PCYT1A: variants seen among roughly 807,000 people sequenced by gnomAD.
PCYT1A encodes phosphate cytidylyltransferase 1A, choline, also known as choline-phosphate cytidylyltransferase A.
In PCYT1A, 25 loss-of-function variants were observed where a neutral mutation model predicts 43.7. That is an observed-to-expected ratio of 0.57 (90% CI 0.42 to 0.80). The LOEUF (loss-of-function observed/expected upper bound fraction) is 0.80. PCYT1A is among the 30% of genes least tolerant of loss of function. The probability of loss-of-function intolerance (pLI) is 0.00; values close to 1 mark genes in which losing one functional copy is unlikely to be tolerated. For missense variants in PCYT1A, 421 were observed against 474.2 expected, an observed-to-expected ratio of 0.89 and a Z score of 1.04; for synonymous variants, 172 against 170.7, an observed-to-expected ratio of 1.01 and a Z score of -0.06.
intron 7 of PCYT1A, 192 bp downstream of exon 7, chr3:196,241,756 G>A (rs1724364416): frequency 8.2e-7 from 1 of 1,224,734 alleles, no homozygotes; most frequent in East Asian, 2.6e-5. Context: ...CGAATGTGTT[G>A]GTACCAGACC....
chr3:196,275,839 TG>T (rs1203794791), intron 1 of PCYT1A, among the ~76,000 whole-genome samples: 3 of 152,042 alleles, frequency 2.0e-5, no homozygotes, highest in Admixed American at 1.3e-4. Flanking sequence ...GGCTCACACC[TG>T]TAATCCCAGC....
At chr3:196,265,626 A>G (rs1033075472) in intron 2 of PCYT1A, among the ~76,000 whole-genome samples, 2 of 152,024 alleles carry the variant, frequency 1.3e-5, no homozygotes, top group Non-Finnish European at 2.9e-5. Context: ...TACTTTTTCT[A>G]AAGCTAATGA....
chr3:196,257,882 TA>T lies in PCYT1A; in HGVS notation c.122del (p.Leu41TyrfsTer22). On this transcript the variant is annotated frameshift_variant, in exon 3 of 9. Transcript: ENST00000431016. LOFTEE classifies it high-confidence loss of function. Reference sequence around the variant, plus strand: ...CATCAGAAAAAGGAGCTGGTTGCCGTAAGCCCTTAAGAAATGGAAAGTGAAG... The same window carrying T: ...CATCAGAAAAAGGAGCTGGTTGCCGTAGCCCTTAAGAAATGGAAAGTGAAG... ...PSKVQRCAVG[L>X]RQPAPFSDEI... is the part of the protein sequence containing the mutation. The T allele has an allele frequency of 1.2e-6, 2 of 1,607,174 alleles. No individual in the cohort carries two copies. The highest frequency in any genetic ancestry group is 1.7e-6 in the Non-Finnish European group (2 of 1,174,410).
chr3:196,257,542 A>G (rs1220272513), intron 3 of PCYT1A, among the ~76,000 whole-genome samples: 1 of 152,206 alleles, frequency 6.6e-6, no homozygotes, highest in African/African-American at 2.4e-5. Flanking sequence ...TTTCTGTTTT[A>G]CTGTATCTCA....
chr3:196,260,639 C>T (rs1489043772), intron 2 of PCYT1A, among the ~76,000 whole-genome samples: 2 of 152,082 alleles, frequency 1.3e-5, no homozygotes, highest in East Asian at 1.9e-4. Flanking sequence ...GTCGGGAGTT[C>T]GAGACCAGCC....
intron 3 of PCYT1A, among the ~76,000 whole-genome samples, chr3:196,256,760 G>A (rs1401694011): frequency 2.0e-5 from 3 of 151,984 alleles, no homozygotes; most frequent in Admixed American, 6.6e-5. Context: ...GGCTGGTCTC[G>A]AACTCCTGAC....
Position 196,242,294 on chromosome 3 carries a change from C to G in PCYT1A, c.566-204G>C, listed in dbSNP as rs1180401553. 1 of 646,860 alleles carries G rather than the reference C, an allele frequency of 1.5e-6. No homozygotes were observed. The highest frequency in any genetic ancestry group is 2.7e-5 in the East Asian group (1 of 36,820). The allele number at this position is 646,860 out of a possible 1,614,324, so 40.1% of individuals were successfully genotyped here. ...TAAGGCAAAGAAGAGTTACATAGCC[C>G]TAATATTAAGAAAAATATGAGAAAG... On this transcript the variant is annotated intron_variant, in intron 6 of 8. Coordinates refer to ENST00000431016, the MANE Select transcript of PCYT1A (RefSeq NM_001312673.2). The surrounding 1 kb of genome is among the most constrained non-coding windows in gnomAD (Gnocchi z 4.2).
chr3:196,275,839 T>C lies in PCYT1A; in HGVS notation c.-10-5298A>G, dbSNP rs920532376. Among the ~76,000 whole-genome samples, 14 of 152,146 alleles carry C rather than the reference T, an allele frequency of 9.2e-5. No individual in the cohort carries two copies. The East Asian group carries it at 2.1e-3, about 23-fold the overall frequency. On this transcript the variant is annotated intron_variant, in intron 1 of 8. Coordinates refer to ENST00000431016, the MANE Select transcript of PCYT1A (RefSeq NM_001312673.2). ...GCAGCCAGGCACGGTGGCTCACACCTGTAATCCCAGCACTTTGGGACGCCA... is the reference window on the plus strand; with the variant it reads ...GCAGCCAGGCACGGTGGCTCACACCCGTAATCCCAGCACTTTGGGACGCCA...
At chr3:196,286,462 T>C (rs1560181733) in intron 1 of PCYT1A, among the ~76,000 whole-genome samples, 1 of 152,238 alleles carries the variant, frequency 6.6e-6, no homozygotes, top group Non-Finnish European at 1.5e-5. Context: ...TTTCAAACTT[T>C]TAAAGTACAT....
At chr3:196,275,020 T>A (rs1165015542) in intron 1 of PCYT1A, among the ~76,000 whole-genome samples, 1 of 152,266 alleles carries the variant, frequency 6.6e-6, no homozygotes, top group Non-Finnish European at 1.5e-5. Flanking sequence ...CTCAGTGGTC[T>A]GAGTGAACTA....
chr3:196,279,875 C>CACTGGAGTTTCACT (rs1725706476), intron 1 of PCYT1A, among the ~76,000 whole-genome samples: 1 of 145,570 alleles, frequency 6.9e-6, no homozygotes. Flanking sequence ...ACTCCTGTTG[C>CACTGGAGTTTCACT]CCAGGCTGGA....
Position 196,250,204 on chromosome 3 carries a change from A to T in PCYT1A, c.218-1881T>A, listed in dbSNP as rs370439735. Among the ~76,000 whole-genome samples the T allele has an allele frequency of 4.3e-3, 307 of 70,862 alleles. 3 individuals carry two copies. The highest frequency in any genetic ancestry group is 0.011 in the African/African-American group (222 of 19,636). 46.5% of individuals were successfully genotyped at this position (70,862 alleles called of 152,430 possible). The stretch of plus-strand genomic sequence containing the variant: ...AGGACCAGGTACACCATGCCGAGGC[A>T]GAGGACCAGGTACACCATGCCGAGG... On this transcript the variant is annotated intron_variant, in intron 3 of 8. Coordinates refer to ENST00000431016, the MANE Select transcript of PCYT1A (RefSeq NM_001312673.2).
At chr3:196,265,346 G>A (rs755346377) in intron 2 of PCYT1A, among the ~76,000 whole-genome samples, 29 of 152,100 alleles carry the variant, frequency 1.9e-4, no homozygotes, top group East Asian at 3.9e-4. Flanking sequence ...GATTACAGGC[G>A]TGAGCCACTT....
intron 3 of PCYT1A, among the ~76,000 whole-genome samples, chr3:196,250,067 G>C (rs1724702225): frequency 6.6e-6 from 1 of 151,160 alleles, no homozygotes; most frequent in African/African-American, 2.4e-5. Flanking sequence ...CCATGCCGAG[G>C]CTGAGGACCA....
At chr3:196,249,315 T>C (rs1214657297) in intron 3 of PCYT1A, among the ~76,000 whole-genome samples, 1 of 146,648 alleles carries the variant, frequency 6.8e-6, no homozygotes, top group Non-Finnish European at 1.5e-5. Flanking sequence ...CCCAGCTAAT[T>C]TTTTTTTTTT....
chr3:196,261,554 C>G (rs1351750343), intron 2 of PCYT1A, among the ~76,000 whole-genome samples: 1 of 152,084 alleles, frequency 6.6e-6, no homozygotes, highest in Non-Finnish European at 1.5e-5. Context: ...CTTTGGGAGG[C>G]CGAGGCGGGT....
intron 2 of PCYT1A, among the ~76,000 whole-genome samples, chr3:196,259,043 A>G (rs1725030460): frequency 6.6e-6 from 1 of 152,126 alleles, no homozygotes; most frequent in Non-Finnish European, 1.5e-5. Context: ...TGGTTTTTGT[A>G]AAGACACTCT....
intron 5 of PCYT1A, among the ~76,000 whole-genome samples, chr3:196,245,822 G>GCACCTGTA (rs1304728412): frequency 6.6e-6 from 1 of 151,974 alleles, no homozygotes; most frequent in Non-Finnish European, 1.5e-5. Flanking sequence ...ATGGTGGCGC[G>GCACCTGTA]CACCTGTAAT....
chr3:196,244,113 C>G (rs557586173), intron 5 of PCYT1A, among the ~76,000 whole-genome samples: 8 of 148,278 alleles, frequency 5.4e-5, no homozygotes, highest in Non-Finnish European at 1.0e-4. Flanking sequence ...GCCGCCCCAT[C>G]TGGGATGTGA....
Sources: allele counts gnomAD v4.1 joint callset (sites outside exome capture counted in the v4.1 genomes callset), GRCh38; gene constraint gnomAD v4.1.1; non-coding constraint Gnocchi (gnomAD v3.1); transcripts MANE v1.5; gene names NCBI Gene and HGNC (gene_info 2026-07-23, HGNC 2026-07-21).